The following FCHSD2 variants were observed in gnomAD, a reference collection of about 807,000 sequenced individuals.
FCHSD2 encodes F-BAR and double SH3 domains protein 2.
FCHSD2 carries 38 observed loss-of-function variants against 108.1 expected under a neutral mutation model. The ratio of observed to expected loss-of-function variants is 0.35; its 90% confidence interval spans 0.27 to 0.46. The LOEUF (loss-of-function observed/expected upper bound fraction) is 0.46. FCHSD2 is among the 20% of genes least tolerant of loss of function. The probability of loss-of-function intolerance (pLI) is 1.00; values close to 1 mark genes in which losing one functional copy is unlikely to be tolerated. For synonymous variants in FCHSD2, 279 were observed against 314.7 expected (o/e 0.89, Z 1.20); for missense variants, 751 against 897.8 (o/e 0.84, Z 2.09).
At chr11:73,073,489 A>C (rs999987165) in intron 3 of FCHSD2, among the ~76,000 whole-genome samples, 2 of 152,206 alleles carry the variant, frequency 1.3e-5, no homozygotes, top group East Asian at 3.8e-4. Flanking sequence ...GAGGTAATAC[A>C]AGTTTACTTT....
chr11:72,995,176 C>G (rs529250453), intron 5 of FCHSD2, among the ~76,000 whole-genome samples: 1 of 152,058 alleles, frequency 6.6e-6, no homozygotes, highest in South Asian at 2.1e-4. Flanking sequence ...TTTTTATCGC[C>G]GAATAGTATT....
At chr11:72,972,459 T>A (rs567644795) in intron 8 of FCHSD2, among the ~76,000 whole-genome samples, 55 of 152,310 alleles carry the variant, frequency 3.6e-4, no homozygotes, top group African/African-American at 1.3e-3. Flanking sequence ...GTAGAGGATG[T>A]CACAGGCAGG....
intron 10 of FCHSD2, among the ~76,000 whole-genome samples, chr11:72,896,125 AT>A (rs1477763423): frequency 3.9e-5 from 6 of 152,222 alleles, no homozygotes; most frequent in Admixed American, 3.9e-4. Flanking sequence ...ACTTACTATA[AT>A]TTTTAATCTA....
chr11:72,877,497 T>A (rs1854994213), intron 12 of FCHSD2, among the ~76,000 whole-genome samples: 1 of 152,210 alleles, frequency 6.6e-6, no homozygotes, highest in East Asian at 1.9e-4. Context: ...ATTTTTGTTT[T>A]AATATTTTTA....
intron 8 of FCHSD2, chr11:72,940,791 T>A: frequency 1.2e-6 from 1 of 846,706 alleles, no homozygotes. Flanking sequence ...CCTGAAGCCT[T>A]CAGTGCGTTG....
At chr11:73,123,248 T>C (rs1239696968) in intron 2 of FCHSD2, among the ~76,000 whole-genome samples, 3 of 152,226 alleles carry the variant, frequency 2.0e-5, no homozygotes, top group African/African-American at 7.2e-5. Flanking sequence ...CAATGTTGAC[T>C]ATCCAATTGA....
chr11:72,850,867 A>G (rs1020567170), intron 13 of FCHSD2, among the ~76,000 whole-genome samples: 3 of 151,790 alleles, frequency 2.0e-5, no homozygotes, highest in Non-Finnish European at 4.4e-5. Flanking sequence ...AGGTAGGTGG[A>G]TCACTTGAGG....
intron 4 of FCHSD2, among the ~76,000 whole-genome samples, chr11:73,008,392 T>A (rs541835306): frequency 9.2e-5 from 14 of 152,222 alleles, no homozygotes; most frequent in African/African-American, 3.1e-4. Flanking sequence ...ATTTATATAA[T>A]AACTAGTAAC....
intron 3 of FCHSD2, among the ~76,000 whole-genome samples, chr11:73,068,347 G>A (rs1309152501): frequency 7.0e-6 from 1 of 143,020 alleles, no homozygotes; most frequent in African/African-American, 2.6e-5. Context: ...AGGGAGGGTG[G>A]GGTAGGGTGG....
At chr11:73,080,315 A>G (rs1253380494) in intron 3 of FCHSD2, among the ~76,000 whole-genome samples, 1 of 151,238 alleles carries the variant, frequency 6.6e-6, no homozygotes, top group Admixed American at 6.6e-5. Flanking sequence ...AAAAAAAAAA[A>G]AAAAGAAAGA....
At chr11:72,880,448 C>A (rs1855060365) in intron 12 of FCHSD2, among the ~76,000 whole-genome samples, 1 of 151,986 alleles carries the variant, frequency 6.6e-6, no homozygotes, top group Non-Finnish European at 1.5e-5. Flanking sequence ...AAATAATGTA[C>A]TTATAGCCAA....
chr11:72,946,638 G>A (rs987715116), intron 8 of FCHSD2, among the ~76,000 whole-genome samples: 1 of 152,088 alleles, frequency 6.6e-6, no homozygotes, highest in African/African-American at 2.4e-5. Flanking sequence ...TGTAAAATAG[G>A]TATTGTGGAA....
chr11:73,096,315 TG>T (rs1860073933), intron 2 of FCHSD2, among the ~76,000 whole-genome samples: 1 of 137,264 alleles, frequency 7.3e-6, no homozygotes. Context: ...CCAAGGCAGG[TG>T]GATCACTTGA....
chr11:72,959,623 TAAA>T (rs1244932603), intron 8 of FCHSD2, among the ~76,000 whole-genome samples: 9 of 152,194 alleles, frequency 5.9e-5, no homozygotes, highest in Non-Finnish European at 1.0e-4. Context: ...CCACATGAAA[TAAA>T]AAGTCTCCAC....
At chr11:72,991,451 C>T (rs1455564470) in intron 5 of FCHSD2, among the ~76,000 whole-genome samples, 1 of 152,102 alleles carries the variant, frequency 6.6e-6, no homozygotes, top group African/African-American at 2.4e-5. Context: ...AACATCGATG[C>T]AAAAATCCTC....
intron 3 of FCHSD2, among the ~76,000 whole-genome samples, chr11:73,017,691 G>A (rs906267289): frequency 2.0e-5 from 3 of 152,054 alleles, no homozygotes; most frequent in Non-Finnish European, 4.4e-5. Flanking sequence ...AAATATGTAC[G>A]GTAGTTTTTC....
intron 3 of FCHSD2, among the ~76,000 whole-genome samples, chr11:73,038,969 C>A (rs1213981483): frequency 1.3e-5 from 2 of 152,172 alleles, no homozygotes; most frequent in Non-Finnish European, 2.9e-5. Context: ...TAATGACCCC[C>A]AGCCTAGTAT....
chr11:73,087,718 A>T (rs1381246076), intron 2 of FCHSD2, among the ~76,000 whole-genome samples: 3 of 151,388 alleles, frequency 2.0e-5, no homozygotes, highest in Admixed American at 6.6e-5. Context: ...AAAAAAAAAA[A>T]AATTTTTAAA....
chr11:72,973,109 C>T (rs531749650), intron 8 of FCHSD2, among the ~76,000 whole-genome samples: 153 of 152,192 alleles, frequency 1.0e-3, no homozygotes, highest in Middle Eastern at 3.4e-3. Flanking sequence ...TGGCTCATGC[C>T]TATAATCCCA....
Sources: gnomAD v4.1 joint callset for allele counts (sites outside exome capture counted in the v4.1 genomes callset) on GRCh38, gnomAD v4.1.1 for gene constraint, MANE v1.5 for transcripts, NCBI Gene and HGNC (gene_info 2026-07-23, HGNC 2026-07-21) for gene names.